The following GRIA4 variants were observed in gnomAD, a reference collection of about 807,000 sequenced individuals.
The protein encoded by GRIA4 is glutamate ionotropic receptor AMPA type subunit 4.
GRIA4 carries 34 observed loss-of-function variants against 104.0 expected under a neutral mutation model. The ratio of observed to expected loss-of-function variants is 0.33; its 90% CI spans 0.25 to 0.44. GRIA4 has a LOEUF of 0.44. GRIA4 is among the 20% of genes least tolerant of loss of function. The pLI is 1.00. For missense variants in GRIA4, 750 were observed against 1,096.5 expected (o/e 0.68, Z 4.46); for synonymous variants, 386 against 381.9 (o/e 1.01, Z -0.13).
chr11:105,913,517 T>C, intron 10 of GRIA4: 2 of 743,884 alleles, frequency 2.7e-6, no homozygotes, highest in Non-Finnish European at 3.3e-6. Flanking sequence ...CCATATTGAT[T>C]TAACTTTTTG....
At chr11:105,895,252 C>CGTGTGTGT (rs59472131) in intron 6 of GRIA4, among the ~76,000 whole-genome samples, 35,223 of 148,602 alleles carry the variant, frequency 0.24, 5,426 homozygotes, top group African/African-American at 0.42. Flanking sequence ...CGAGCTCATG[C>CGTGTGTGT]GTGTGTGTGT....
chr11:105,879,900 A>C (rs1945984278), intron 5 of GRIA4, among the ~76,000 whole-genome samples: 2 of 152,166 alleles, frequency 1.3e-5, no homozygotes, highest in South Asian at 4.1e-4. Context: ...CTGTGGTCTA[A>C]AGAAGGGAAC....
At chr11:105,629,831 T>A (rs2135305149) in intron 3 of GRIA4, among the ~76,000 whole-genome samples, 1 of 152,348 alleles carries the variant, frequency 6.6e-6, no homozygotes, top group East Asian at 1.9e-4. Flanking sequence ...ATGTTTGATC[T>A]CTTTGGTTAC....
At chr11:105,634,714 C>A (rs1171547186) in intron 3 of GRIA4, among the ~76,000 whole-genome samples, 6 of 152,166 alleles carry the variant, frequency 3.9e-5, no homozygotes, top group African/African-American at 1.4e-4. Flanking sequence ...TAAACCCATG[C>A]TTAAGAGTTG....
chr11:105,627,913 T>C (rs1950928953), intron 3 of GRIA4, among the ~76,000 whole-genome samples: 1 of 152,216 alleles, frequency 6.6e-6, no homozygotes, highest in Non-Finnish European at 1.5e-5. Flanking sequence ...TTATTCTTGA[T>C]AGAGGTTAAT....
At chr11:105,952,857 A>G (rs1948489899) in intron 14 of GRIA4, among the ~76,000 whole-genome samples, 1 of 152,190 alleles carries the variant, frequency 6.6e-6, no homozygotes, top group South Asian at 2.1e-4. Flanking sequence ...TCCTTATTTT[A>G]ATATTAAATT....
intron 16 of GRIA4, among the ~76,000 whole-genome samples, chr11:105,979,315 T>A (rs1859153840): frequency 6.6e-6 from 1 of 152,210 alleles, no homozygotes; most frequent in Non-Finnish European, 1.5e-5. Context: ...CTGCCCAGAT[T>A]TACTAACAGT....
At chr11:105,645,267 G>C (rs534079928) in intron 3 of GRIA4, among the ~76,000 whole-genome samples, 3 of 152,192 alleles carry the variant, frequency 2.0e-5, no homozygotes, top group Non-Finnish European at 4.4e-5. Context: ...GCTAGAGTGA[G>C]CTACTTGTGC....
intron 5 of GRIA4, among the ~76,000 whole-genome samples, chr11:105,870,634 T>C (rs1945580961): frequency 1.3e-5 from 2 of 151,564 alleles, no homozygotes; most frequent in Admixed American, 6.6e-5. Context: ...TCAAGGAAGA[T>C]GGCATGTGTG....
intron 4 of GRIA4, among the ~76,000 whole-genome samples, chr11:105,825,105 T>C (rs553867625): frequency 2.0e-5 from 3 of 152,166 alleles, no homozygotes; most frequent in Admixed American, 1.3e-4. Context: ...GTTTTCCAAG[T>C]GTCGAACCAA....
intron 3 of GRIA4, among the ~76,000 whole-genome samples, chr11:105,698,471 A>G (rs1294922468): frequency 6.6e-6 from 1 of 152,168 alleles, no homozygotes. Flanking sequence ...AGGCCATTTT[A>G]TTAAAATTCT....
intron 14 of GRIA4, among the ~76,000 whole-genome samples, chr11:105,937,812 G>T (rs1005002446): frequency 3.3e-5 from 5 of 152,126 alleles, no homozygotes; most frequent in Admixed American, 1.3e-4. Context: ...AGTTCCAATA[G>T]AACTTGCTTC....
chr11:105,666,193 C>T (rs1454823560), intron 3 of GRIA4, among the ~76,000 whole-genome samples: 2 of 151,896 alleles, frequency 1.3e-5, no homozygotes, highest in African/African-American at 4.8e-5. Context: ...TTTTAAAAAC[C>T]ATTTTAGTTA....
intron 14 of GRIA4, among the ~76,000 whole-genome samples, chr11:105,944,446 A>G (rs1256605369): frequency 6.6e-6 from 1 of 151,994 alleles, no homozygotes; most frequent in African/African-American, 2.4e-5. Flanking sequence ...TTTTTATGGG[A>G]GCCAATCACC....
At chr11:105,933,666 T>C in intron 13 of GRIA4, 56 bp from the exon 14 acceptor site, 1 of 1,303,326 alleles carries the variant, frequency 7.7e-7, no homozygotes, top group Non-Finnish European at 1.1e-6. Flanking sequence ...GTTCAGCGAA[T>C]ATTAACATGT....
intron 4 of GRIA4, among the ~76,000 whole-genome samples, chr11:105,843,117 T>G (rs1347255781): frequency 6.6e-6 from 1 of 152,166 alleles, no homozygotes; most frequent in Non-Finnish European, 1.5e-5. Context: ...GTTTTTCATT[T>G]GTTTGTTTTT....
At chr11:105,641,883 C>T (rs1951371235) in intron 3 of GRIA4, among the ~76,000 whole-genome samples, 1 of 152,164 alleles carries the variant, frequency 6.6e-6, no homozygotes, top group Non-Finnish European at 1.5e-5. Context: ...GTAGCACAGA[C>T]TGTGGCTTAA....
chr11:105,902,263 C>G (rs1224191140), intron 7 of GRIA4, among the ~76,000 whole-genome samples: 1 of 151,678 alleles, frequency 6.6e-6, no homozygotes, highest in Admixed American at 6.6e-5. Flanking sequence ...TTTAGTTTTT[C>G]TCTTCCCTGT....
chr11:105,814,966 G>T (rs1217002588), intron 4 of GRIA4, among the ~76,000 whole-genome samples: 1 of 152,106 alleles, frequency 6.6e-6, no homozygotes, highest in Non-Finnish European at 1.5e-5. Flanking sequence ...TCAGAGTAGG[G>T]CATGTGACCC....
Sources: gnomAD v4.1 joint callset for allele counts (sites outside exome capture counted in the v4.1 genomes callset) on GRCh38, gnomAD v4.1.1 for gene constraint, MANE v1.5 for transcripts, NCBI Gene and HGNC (gene_info 2026-07-23, HGNC 2026-07-21) for gene names.